Variants in MOB3B observed in about 807,000 individuals in gnomAD.
The protein encoded by MOB3B is MOB kinase activator 3B.
In MOB3B, 7 loss-of-function variants were observed where a neutral mutation model predicts 18.7. That is an observed-to-expected ratio of 0.37 (90% CI 0.21 to 0.70). MOB3B has a LOEUF of 0.70. MOB3B is among the 30% of genes least tolerant of loss of function. The pLI is 0.52. For missense variants in MOB3B, 253 were observed against 281.3 expected (o/e 0.90, Z 0.72); for synonymous variants, 111 against 99.9 (o/e 1.11, Z -0.66).
At chr9:27,396,700 T>A in intron 2 of MOB3B, among the ~76,000 whole-genome samples, 1 of 152,328 alleles carries the variant, frequency 6.6e-6, no homozygotes, top group East Asian at 1.9e-4. Context: ...GATGACATCA[T>A]GTCTCTTCTA....
At chr9:27,485,478 C>T (rs1344854687) in intron 1 of MOB3B, among the ~76,000 whole-genome samples, 1 of 152,200 alleles carries the variant, frequency 6.6e-6, no homozygotes, top group Non-Finnish European at 1.5e-5. Context: ...ATCACAAAGC[C>T]CCAAATGTCA....
chr9:27,381,585 C>T (rs529332873), intron 2 of MOB3B, among the ~76,000 whole-genome samples: 119 of 152,222 alleles, frequency 7.8e-4, no homozygotes, highest in Non-Finnish European at 1.6e-3. Context: ...AGGCTGGGCC[C>T]TTTGTGGCAC....
intron 1 of MOB3B, among the ~76,000 whole-genome samples, chr9:27,518,778 T>C (rs1324012873): frequency 1.3e-5 from 2 of 152,178 alleles, no homozygotes; most frequent in African/African-American, 4.8e-5. Context: ...TGGAGAGGAA[T>C]GGTCTTAGAA....
intron 2 of MOB3B, among the ~76,000 whole-genome samples, chr9:27,373,886 G>A (rs745382382): frequency 1.3e-5 from 2 of 152,178 alleles, no homozygotes; most frequent in African/African-American, 4.8e-5. Context: ...TGGTCTAAAG[G>A]TTTGTCAGTA....
chr9:27,471,909 G>C (rs1237184975), intron 1 of MOB3B, among the ~76,000 whole-genome samples: 1 of 152,192 alleles, frequency 6.6e-6, no homozygotes, highest in East Asian at 1.9e-4. Context: ...AGTAGGTGAA[G>C]AGAGGTTAGC....
intron 2 of MOB3B, among the ~76,000 whole-genome samples, chr9:27,383,326 A>T (rs1787686469): frequency 6.6e-6 from 1 of 152,232 alleles, no homozygotes; most frequent in African/African-American, 2.4e-5. Context: ...TATTATTAAT[A>T]AAGTTTCTCA....
chr9:27,353,607 G>T (rs1464606070), intron 3 of MOB3B, among the ~76,000 whole-genome samples: 1 of 152,132 alleles, frequency 6.6e-6, no homozygotes, highest in African/African-American at 2.4e-5. Flanking sequence ...AGAATGAGAA[G>T]GTCCTGGACC....
chr9:27,349,069 C>T lies in MOB3B; in HGVS notation c.621+9965G>A, dbSNP rs548872247. 2.0e-5 allele frequency among the ~76,000 whole-genome samples: 3 copies of T among 152,316 alleles called. No homozygotes were observed. The East Asian group carries it at 5.8e-4, about 29-fold the overall frequency. On this transcript the variant is annotated intron_variant, in intron 3 of 3. Coordinates refer to ENST00000262244, the MANE Select transcript of MOB3B (RefSeq NM_024761.5). ...TCTCTTTCTTCTTCCAGATCTGCCT[C>T]CAGGCATTATTCTTGTCTATTGGTC...
chr9:27,395,864 G>A (rs1428929629), intron 2 of MOB3B, among the ~76,000 whole-genome samples: 1 of 152,122 alleles, frequency 6.6e-6, no homozygotes, highest in Non-Finnish European at 1.5e-5. Context: ...ATAACAATAG[G>A]ACTCGTTCAA....
intron 1 of MOB3B, among the ~76,000 whole-genome samples, chr9:27,483,831 TAGG>T (rs1819698246): frequency 6.6e-6 from 1 of 152,062 alleles, no homozygotes; most frequent in African/African-American, 2.4e-5. Context: ...TGAAGCGACG[TAGG>T]GGGAAATGGC....
intron 2 of MOB3B, among the ~76,000 whole-genome samples, chr9:27,442,037 A>T (rs972636674): frequency 6.6e-6 from 1 of 152,178 alleles, no homozygotes; most frequent in African/African-American, 2.4e-5. Context: ...GAGTAAAACA[A>T]TATTACTCTC....
chr9:27,374,491 C>T (rs1296356175), intron 2 of MOB3B, among the ~76,000 whole-genome samples: 1 of 151,998 alleles, frequency 6.6e-6, no homozygotes, highest in Non-Finnish European at 1.5e-5. Context: ...TTTTAAGGTC[C>T]TTATGAAACA....
intron 2 of MOB3B, among the ~76,000 whole-genome samples, chr9:27,425,575 C>T (rs987572839): frequency 3.3e-5 from 5 of 152,102 alleles, no homozygotes; most frequent in African/African-American, 1.2e-4. Context: ...CATGAATGTT[C>T]ATATTAAGTT....
intron 2 of MOB3B, among the ~76,000 whole-genome samples, chr9:27,434,250 C>G (rs7032869): frequency 6.6e-6 from 1 of 152,162 alleles, no homozygotes; most frequent in African/African-American, 2.4e-5. Context: ...ATATACTTGT[C>G]TTTCCTGCCC....
intron 2 of MOB3B, among the ~76,000 whole-genome samples, chr9:27,417,198 C>T (rs1822164250): frequency 6.6e-6 from 1 of 151,992 alleles, no homozygotes; most frequent in African/African-American, 2.4e-5. Context: ...CCCGTCTCTA[C>T]TAAAAAATAC....
At chr9:27,421,581 T>G (rs1022145469) in intron 2 of MOB3B, 18 of 152,490 alleles carry the variant, frequency 1.2e-4, no homozygotes, top group African/African-American at 4.1e-4. Context: ...ACTTCACATT[T>G]CTGCTGAAAA....
At chr9:27,481,750 C>A (rs962829324) in intron 1 of MOB3B, among the ~76,000 whole-genome samples, 2 of 152,032 alleles carry the variant, frequency 1.3e-5, no homozygotes, top group Admixed American at 1.3e-4. Flanking sequence ...TGGTCTCGAT[C>A]TCCTGACCTC....
At chr9:27,380,710 G>A (rs1403171550) in intron 2 of MOB3B, among the ~76,000 whole-genome samples, 1 of 127,588 alleles carries the variant, frequency 7.8e-6, no homozygotes, top group Non-Finnish European at 1.6e-5. Context: ...AATCACCCTT[G>A]TTCTTGCTGT....
At chr9:27,453,315 G>A (rs542373951) in intron 2 of MOB3B, among the ~76,000 whole-genome samples, 2 of 152,268 alleles carry the variant, frequency 1.3e-5, no homozygotes, top group East Asian at 3.9e-4. Context: ...TTTCCTTGGG[G>A]GAAGAAATCT....
Sources: allele counts gnomAD v4.1 joint callset (sites outside exome capture counted in the v4.1 genomes callset), GRCh38; gene constraint gnomAD v4.1.1; transcripts MANE v1.5; gene names NCBI Gene and HGNC (gene_info 2026-07-23, HGNC 2026-07-21).